Variants in CCT3 observed in about 807,000 individuals in gnomAD.
The protein encoded by CCT3 is chaperonin containing TCP1 subunit 3.
Under a neutral mutation model 65.3 loss-of-function variants are expected in CCT3, and 10 were observed. The observed-to-expected ratio is 0.15, with a 90% confidence interval of 0.09 to 0.26. CCT3 has a LOEUF of 0.26. Ranked by LOEUF, CCT3 falls within the 10% of genes least tolerant of loss-of-function variation. CCT3 has a pLI of 1.00. For missense variants in CCT3, 626 were observed against 708.7 expected, an observed-to-expected ratio of 0.88 and a Z score of 1.33; for synonymous variants, 225 against 242.3, an observed-to-expected ratio of 0.93 and a Z score of 0.66.
chr1:156,312,848 T>A (rs1664141382), intron 10 of CCT3, among the ~76,000 whole-genome samples: 1 of 152,198 alleles, frequency 6.6e-6, no homozygotes, highest in Non-Finnish European at 1.5e-5. Flanking sequence ...TATACACTAA[T>A]ATGATTTGAA....
intron 2 of CCT3, 108 bp from the exon 3 acceptor site, chr1:156,335,026 T>C (rs1665275977): frequency 1.2e-6 from 1 of 864,500 alleles, no homozygotes; most frequent in African/African-American, 1.7e-5. Flanking sequence ...GTCAGTGTTT[T>C]ATTTTATTTT....
At chr1:156,337,791 T>TAA (rs1438522414) in intron 1 of CCT3, 26 of 263,152 alleles carry the variant, frequency 9.9e-5, no homozygotes, top group Non-Finnish European at 1.6e-4. Flanking sequence ...TAGACCTAAC[T>TAA]GAAAAAAAAA....
intron 1 of CCT3, chr1:156,337,834 C>T (rs908325982): frequency 6.9e-5 from 30 of 433,104 alleles, no homozygotes; most frequent in Non-Finnish European, 1.2e-4. Context: ...AGCTACATAG[C>T]GACAATCAGG....
intron 4 of CCT3, 61 bp from the exon 5 acceptor site, chr1:156,333,704 T>G (rs1665209046): frequency 7.9e-7 from 1 of 1,260,610 alleles, no homozygotes; most frequent in African/African-American, 1.5e-5. Context: ...TCATGAAGCT[T>G]GGCCCTAACT....
chr1:156,322,334 T>C (rs1482601144), intron 6 of CCT3, among the ~76,000 whole-genome samples: 1 of 151,202 alleles, frequency 6.6e-6, no homozygotes, highest in East Asian at 2.0e-4. Flanking sequence ...CCATCTCTAC[T>C]AAAAATACCA....
At position 156,309,022 on chromosome 1, in the gene CCT3, G is replaced by C; in HGVS notation, c.*177C>G. ...CAAACTAAATGGAAACCTTACAATA[G>C]AGAAGAATTACATGTCAGTGTCTTT... On this transcript the variant is annotated 3_prime_UTR_variant, in exon 14 of 14. Coordinates refer to ENST00000295688, the MANE Select transcript of CCT3 (RefSeq NM_005998.5). The C allele has an allele frequency of 1.8e-6, 1 of 566,314 alleles. No individual in the cohort carries two copies. The highest frequency in any genetic ancestry group is 3.2e-6 in the Non-Finnish European group (1 of 317,052). The allele number at this position is 566,314 out of a possible 1,614,324, so 35.1% of individuals were successfully genotyped here.
chr1:156,319,235 C>T (rs1403369358), intron 7 of CCT3, among the ~76,000 whole-genome samples: 1 of 151,786 alleles, frequency 6.6e-6, no homozygotes, highest in Non-Finnish European at 1.5e-5. Flanking sequence ...GCCTCAGACT[C>T]CCAAGTAGCT....
chr1:156,324,859 C>A (rs1664735424), intron 6 of CCT3, 113 bp downstream of exon 6: 1 of 679,206 alleles, frequency 1.5e-6, no homozygotes, highest in Admixed American at 2.1e-5. Flanking sequence ...CATCTCCTGA[C>A]CTCAAGATCC....
chr1:156,337,838 A>C (rs1665504578), intron 1 of CCT3: 2 of 452,596 alleles, frequency 4.4e-6, no homozygotes, highest in Admixed American at 3.9e-5. Context: ...ACATAGCGAC[A>C]ATCAGGCTAG....
At chr1:156,328,279 A>T (rs1229220117) in intron 5 of CCT3, among the ~76,000 whole-genome samples, 1 of 148,688 alleles carries the variant, frequency 6.7e-6, no homozygotes, top group Non-Finnish European at 1.5e-5. Flanking sequence ...CCGGGAGGTG[A>T]GGGGCGCTTC....
chr1:156,316,196 A>G (rs911717194), intron 10 of CCT3, among the ~76,000 whole-genome samples: 1 of 152,218 alleles, frequency 6.6e-6, no homozygotes, highest in Non-Finnish European at 1.5e-5. Flanking sequence ...CTATTTATAT[A>G]GCATTTATGC....
At chr1:156,310,269 G>C (rs1429450399) in intron 13 of CCT3, among the ~76,000 whole-genome samples, 1 of 151,398 alleles carries the variant, frequency 6.6e-6, no homozygotes, top group Non-Finnish European at 1.5e-5. Flanking sequence ...AAGGTGGGTA[G>C]ATCATCTGAG....
intron 1 of CCT3, chr1:156,337,036 C>T: frequency 7.9e-7 from 1 of 1,268,020 alleles, no homozygotes. Flanking sequence ...TAGCCAGGCT[C>T]TGCAGATGAG....
intron 8 of CCT3, among the ~76,000 whole-genome samples, chr1:156,318,368 C>T (rs1236801989): frequency 6.6e-6 from 1 of 151,946 alleles, no homozygotes; most frequent in Non-Finnish European, 1.5e-5. Flanking sequence ...GGACTACAGG[C>T]ACATGCCACC....
chr1:156,333,423 G>C, intron 5 of CCT3, 124 bp downstream of exon 5: 1 of 704,092 alleles, frequency 1.4e-6, no homozygotes, highest in East Asian at 2.7e-5. Context: ...AGAATACATA[G>C]AAAATAACCA....
At chr1:156,329,497 G>C (rs1178704988) in intron 5 of CCT3, among the ~76,000 whole-genome samples, 1 of 151,760 alleles carries the variant, frequency 6.6e-6, no homozygotes, top group Non-Finnish European at 1.5e-5. Context: ...AGCAAAGACA[G>C]GGTTTCACCA....
chr1:156,312,712 T>C (rs1265386579), intron 10 of CCT3, among the ~76,000 whole-genome samples: 1 of 151,850 alleles, frequency 6.6e-6, no homozygotes, highest in African/African-American at 2.4e-5. Flanking sequence ...ACTGAAGCCA[T>C]CATTGCAGTT....
chr1:156,320,788 G>T, intron 7 of CCT3, 51 bp downstream of exon 7: 3 of 1,225,296 alleles, frequency 2.4e-6, no homozygotes, highest in South Asian at 2.7e-5. Context: ...CAAGTGAGAT[G>T]ACTCATGCTA....
intron 8 of CCT3, 55 bp downstream of exon 8, chr1:156,318,813 A>AT (rs1379360205): frequency 6.4e-7 from 1 of 1,564,682 alleles, no homozygotes; most frequent in Admixed American, 1.8e-5. Context: ...TCTGTTGTTC[A>AT]TATTTGCAGT....
Sources: gnomAD v4.1 joint callset for allele counts (sites outside exome capture counted in the v4.1 genomes callset) on GRCh38, gnomAD v4.1.1 for gene constraint, MANE v1.5 for transcripts, NCBI Gene and HGNC (gene_info 2026-07-23, HGNC 2026-07-21) for gene names.